Variants in YIPF7 observed in about 807,000 individuals in gnomAD.
The protein encoded by YIPF7 is protein YIPF7.
A neutral mutation model predicts 27.2 loss-of-function variants in YIPF7; 35 were observed. The ratio of observed to expected loss-of-function variants is 1.29; its 90% CI spans 0.98 to 1.70. The LOEUF (loss-of-function observed/expected upper bound fraction) is 1.70. Ranked by LOEUF, YIPF7 falls within the 40% of genes most tolerant of loss-of-function variation. The pLI, the probability that YIPF7 is intolerant of heterozygous loss-of-function variation, is 0.00. For synonymous variants in YIPF7, 137 were observed against 110.4 expected (o/e 1.24, Z -1.51); for missense variants, 358 against 303.7 (o/e 1.18, Z -1.33).
chr4:44,633,046 G>A (rs1275169979), intron 3 of YIPF7, among the ~76,000 whole-genome samples: 1 of 152,128 alleles, frequency 6.6e-6, no homozygotes, highest in Non-Finnish European at 1.5e-5. Flanking sequence ...TCTCATAGGA[G>A]CGTGAACCCT....
At chr4:44,624,987 G>A (rs1712584912) in intron 4 of YIPF7, among the ~76,000 whole-genome samples, 1 of 152,166 alleles carries the variant, frequency 6.6e-6, no homozygotes. Context: ...TCTGACTAGA[G>A]TTAGGATGGG....
At chr4:44,626,795 T>G (rs11735925) in intron 4 of YIPF7, among the ~76,000 whole-genome samples, 1 of 120,638 alleles carries the variant, frequency 8.3e-6, no homozygotes, top group Non-Finnish European at 1.6e-5. Context: ...TTTTTTTTTG[T>G]GATGGAGTCT....
chr4:44,646,365 G>A (rs1315315940), intron 2 of YIPF7, among the ~76,000 whole-genome samples: 2 of 152,164 alleles, frequency 1.3e-5, no homozygotes, highest in Non-Finnish European at 2.9e-5. Flanking sequence ...TGGGTACACA[G>A]TAATGCCTTA....
intron 2 of YIPF7, 145 bp downstream of exon 2, chr4:44,649,840 T>G: frequency 1.8e-6 from 1 of 558,896 alleles, no homozygotes; most frequent in Admixed American, 3.7e-5. Context: ...TTTCTTGGAT[T>G]TTTTTTGTGG....
chr4:44,646,520 T>C (rs530391122), intron 2 of YIPF7, among the ~76,000 whole-genome samples: 1 of 152,200 alleles, frequency 6.6e-6, no homozygotes, highest in Non-Finnish European at 1.5e-5. Flanking sequence ...ATTTCTTTTT[T>C]CCACATAATA....
intron 4 of YIPF7, among the ~76,000 whole-genome samples, chr4:44,627,186 C>T (rs6822653): frequency 0.4 from 60,548 of 151,836 alleles, 12,353 homozygotes; most frequent in East Asian, 0.55. Flanking sequence ...AGAAAAGTTA[C>T]ATGGAGCAAA....
intron 2 of YIPF7, among the ~76,000 whole-genome samples, chr4:44,648,263 T>C (rs1230532161): frequency 6.6e-6 from 1 of 152,130 alleles, no homozygotes; most frequent in African/African-American, 2.4e-5. Flanking sequence ...TTTTTGAATA[T>C]TTACAGAACA....
At chr4:44,639,515 T>G (rs1713251663) in intron 2 of YIPF7, among the ~76,000 whole-genome samples, 1 of 152,204 alleles carries the variant, frequency 6.6e-6, no homozygotes, top group Non-Finnish European at 1.5e-5. Context: ...ATAGAAATGC[T>G]ACTGATTTTG....
upstream of YIPF7, among the ~76,000 whole-genome samples, chr4:44,654,015 C>A (rs551159121): frequency 6.6e-6 from 1 of 151,922 alleles, no homozygotes; most frequent in Admixed American, 6.6e-5. Flanking sequence ...AATATATGGA[C>A]TGAAAATGGC....
At position 44,651,601 on chromosome 4, in the gene YIPF7, GT is replaced by G. The variant is rs1348276295; in HGVS notation, c.-50del. On this transcript the variant is annotated 5_prime_UTR_variant, in exon 1 of 6. It introduces an in-frame stop codon into an upstream open reading frame of the 5' UTR. Coordinates refer to ENST00000415895, the MANE Select transcript of YIPF7 (RefSeq NM_182592.3). Reference sequence around the variant, plus strand: ...GATCCTCCAGTAAATGTAGCTTTGTGTGAGAAATTTTAAGCAAATCCATTGG... The same window carrying G: ...GATCCTCCAGTAAATGTAGCTTTGTGGAGAAATTTTAAGCAAATCCATTGG... 8.8e-6 allele frequency: 14 copies of G among 1,588,330 alleles called. No homozygotes were observed. The highest frequency in any genetic ancestry group is 1.2e-5 in the Non-Finnish European group (14 of 1,165,724).
In YIPF7 at chr4:44,629,457, C is replaced by A. The variant is rs982339343; in HGVS notation, c.372G>T (p.Thr124=). ...KPVDGSIMNE[T]DLTGPILFCV... ...AAAAAAGAATGGGTCCAGTGAGGTC[C>A]GTTTCATTCATAATGCTGCCATCTA... is the stretch of plus-strand genomic sequence containing the variant. The change falls in exon 4 of 6, where the codon ACG becomes ACT. Residue 124 remains threonine, a synonymous_variant. Transcript: ENST00000415895. 1.2e-6 allele frequency: 2 copies of A among 1,600,316 alleles called. No homozygotes were observed. Among genetic ancestry groups the A allele is most frequent in the African/African-American group, 2.7e-5 (2 of 74,550 alleles).
At chr4:44,659,413 A>T (rs1409370896) in intron 2 of YIPF7, among the ~76,000 whole-genome samples, 1 of 152,142 alleles carries the variant, frequency 6.6e-6, no homozygotes, top group East Asian at 1.9e-4. Flanking sequence ...AGTGCTGACA[A>T]TTGGATCAGG....
At position 44,622,379 on chromosome 4, in the gene YIPF7, C is replaced by A. The variant is rs1712471262; in HGVS notation, c.*35G>T. ...TATATTTCCAAAATAATCTGGACAG[C>A]AAACAGAGTCTTGAAATGCCATCTC... On this transcript the variant is annotated 3_prime_UTR_variant, in exon 6 of 6. Transcript: ENST00000415895. 2 of 1,591,668 alleles carry A rather than the reference C, an allele frequency of 1.3e-6. No individual in the cohort carries two copies. Among genetic ancestry groups the A allele is most frequent in the East Asian group, 4.5e-5 (2 of 44,322 alleles).
intron 3 of YIPF7, among the ~76,000 whole-genome samples, chr4:44,631,802 TATTTTAAATTAATTA>T (rs1427904225): frequency 1.3e-5 from 2 of 152,180 alleles, no homozygotes; most frequent in Non-Finnish European, 2.9e-5. Context: ...ACATACTACA[TATTTTAAATTAATTA>T]ATTTTAAATT....
At chr4:44,636,210 C>T (rs1713116444) in intron 2 of YIPF7, 125 bp from the exon 3 acceptor site, 6 of 1,031,178 alleles carry the variant, frequency 5.8e-6, no homozygotes, top group Non-Finnish European at 8.0e-6. Flanking sequence ...ATGAAAGAAA[C>T]AACTTACTTA....
intron 5 of YIPF7, among the ~76,000 whole-genome samples, chr4:44,624,337 T>G (rs1281111089): frequency 6.6e-6 from 1 of 152,128 alleles, no homozygotes; most frequent in Non-Finnish European, 1.5e-5. Context: ...GTGCTGGGAT[T>G]ACAAGCATGA....
At chr4:44,622,804 A>G (rs1384862300) in intron 5 of YIPF7, among the ~76,000 whole-genome samples, 2 of 152,342 alleles carry the variant, frequency 1.3e-5, no homozygotes, top group East Asian at 1.9e-4. Flanking sequence ...GAATTAGAAA[A>G]AAACAGTAGA....
At chr4:44,644,243 G>A (rs1713443408) in intron 2 of YIPF7, among the ~76,000 whole-genome samples, 1 of 152,184 alleles carries the variant, frequency 6.6e-6, no homozygotes, top group Non-Finnish European at 1.5e-5. Context: ...TTTAACACAG[G>A]GGTGTCCAAT....
chr4:44,642,239 GA>G (rs1345088136), intron 2 of YIPF7, among the ~76,000 whole-genome samples: 2 of 152,038 alleles, frequency 1.3e-5, no homozygotes, highest in South Asian at 2.1e-4. Flanking sequence ...AAATTTTACA[GA>G]AAAAAATTCT....
Sources: allele counts gnomAD v4.1 joint callset (sites outside exome capture counted in the v4.1 genomes callset), GRCh38; gene constraint gnomAD v4.1.1; transcripts MANE v1.5; gene names NCBI Gene and HGNC (gene_info 2026-07-23, HGNC 2026-07-21).